Variants in ASPH observed in about 807,000 individuals in gnomAD.
ASPH encodes aspartate beta-hydroxylase, also known as aspartyl/asparaginyl beta-hydroxylase.
In ASPH, 100 loss-of-function variants were observed where a neutral mutation model predicts 118.4. The ratio of observed to expected loss-of-function variants is 0.84; its 90% CI spans 0.72 to 1.00. The LOEUF (loss-of-function observed/expected upper bound fraction) is 1.00. ASPH is among the 50% of genes least tolerant of loss of function. The pLI is 0.00. For synonymous variants in ASPH, 315 were observed against 325.6 expected (o/e 0.97, Z 0.35); for missense variants, 920 against 919.5 (o/e 1.00, Z -0.01).
intron 10 of ASPH, among the ~76,000 whole-genome samples, chr8:61,639,681 G>A (rs72659027): frequency 0.018 from 2,738 of 152,198 alleles, 41 homozygotes; most frequent in Middle Eastern, 0.034. Flanking sequence ...TACTCTGATG[G>A]TTCCCACACT....
chr8:61,655,320 G>A (rs1425913067), intron 3 of ASPH, among the ~76,000 whole-genome samples: 1 of 152,136 alleles, frequency 6.6e-6, no homozygotes, highest in Non-Finnish European at 1.5e-5. Flanking sequence ...ATGTACCAGA[G>A]ATCCGTATTT....
chr8:61,681,256 T>C (rs1288998556), intron 2 of ASPH, among the ~76,000 whole-genome samples: 2 of 151,760 alleles, frequency 1.3e-5, no homozygotes, highest in African/African-American at 4.8e-5. Context: ...TAATAAATGC[T>C]ATGAAATAAA....
chr8:61,564,943 T>C (rs1310149558), intron 17 of ASPH, among the ~76,000 whole-genome samples: 1 of 152,232 alleles, frequency 6.6e-6, no homozygotes, highest in Non-Finnish European at 1.5e-5. Flanking sequence ...GCCTTGGCAG[T>C]GACTCATAGC....
chr8:61,690,216 T>A (rs1034940096), intron 1 of ASPH, among the ~76,000 whole-genome samples: 1 of 152,182 alleles, frequency 6.6e-6, no homozygotes, highest in Non-Finnish European at 1.5e-5. Flanking sequence ...GACCATTAGA[T>A]TGCTTGAATG....
intron 21 of ASPH, among the ~76,000 whole-genome samples, chr8:61,542,074 G>C (rs1201043569): frequency 6.6e-6 from 1 of 152,128 alleles, no homozygotes; most frequent in African/African-American, 2.4e-5. Context: ...TGATTTCAGT[G>C]CTTCTAAATT....
Position 61,517,681 on chromosome 8 carries a change from C to T in ASPH, c.1993-20G>A. On this transcript the variant is annotated intron_variant, in intron 23 of 24. Coordinates refer to ENST00000379454, the MANE Select transcript of ASPH (RefSeq NM_004318.4). ...TTTGATCTGCATAGAAAACATGACA[C>T]TCCATTCAGCCATTTATCAAGGTGT... The T allele has an allele frequency of 6.2e-7, 1 of 1,606,322 alleles. No homozygotes were observed. Among genetic ancestry groups the T allele is most frequent in the African/African-American group, 1.3e-5 (1 of 74,868 alleles).
Position 61,704,182 on chromosome 8 carries a change from G to A in ASPH, c.103+10087C>T, listed in dbSNP as rs112016455. On this transcript the variant is annotated intron_variant, in intron 1 of 24. Coordinates refer to ENST00000379454, the MANE Select transcript of ASPH (RefSeq NM_004318.4). Reference sequence around the variant, plus strand: ...TGCACTCCAGCCTGGGCGACAGAGCGAGACTCCGTCTCAAAAAAAAAAAAA... The same window carrying A: ...TGCACTCCAGCCTGGGCGACAGAGCAAGACTCCGTCTCAAAAAAAAAAAAA... Among the ~76,000 whole-genome samples the A allele has an allele frequency of 1.2e-4, 13 of 105,668 alleles. No individual in the cohort carries two copies. In the East Asian group the frequency reaches 1.5e-3, roughly 12 times the overall value. The allele number at this position is 105,668 out of a possible 152,430, so 69.3% of individuals were successfully genotyped here.
intron 15 of ASPH, among the ~76,000 whole-genome samples, chr8:61,577,468 A>G (rs1313202463): frequency 6.6e-6 from 1 of 151,552 alleles, no homozygotes; most frequent in African/African-American, 2.4e-5. Flanking sequence ...TTTGCTAAAG[A>G]AATTGAATTT....
chr8:61,655,075 A>G (rs558205584), intron 3 of ASPH, among the ~76,000 whole-genome samples: 1 of 152,314 alleles, frequency 6.6e-6, no homozygotes, highest in Admixed American at 6.5e-5. Flanking sequence ...AAAAAGCTTA[A>G]GAATCTCAAG....
At chr8:61,574,553 G>A (rs1301036326) in intron 16 of ASPH, among the ~76,000 whole-genome samples, 3 of 152,156 alleles carry the variant, frequency 2.0e-5, no homozygotes, top group Admixed American at 6.5e-5. Flanking sequence ...TTACAGGGAC[G>A]TGGATGAAGC....
At chr8:61,655,567 C>G (rs1334438260) in intron 3 of ASPH, among the ~76,000 whole-genome samples, 1 of 152,176 alleles carries the variant, frequency 6.6e-6, no homozygotes, top group Non-Finnish European at 1.5e-5. Context: ...CTGAAAACCC[C>G]ATTCTTAATG....
At chr8:61,535,902 T>C (rs540801869) in intron 21 of ASPH, among the ~76,000 whole-genome samples, 2 of 152,300 alleles carry the variant, frequency 1.3e-5, no homozygotes, top group African/African-American at 2.4e-5. Context: ...CAGCAAATTC[T>C]CTTTGCAATA....
intron 3 of ASPH, among the ~76,000 whole-genome samples, chr8:61,670,305 GT>G (rs1554554248): frequency 8.1e-5 from 12 of 147,328 alleles, no homozygotes; most frequent in Admixed American, 1.4e-4. Flanking sequence ...GTGTTTGTTT[GT>G]TTTTTTTTTA....
intron 1 of ASPH, among the ~76,000 whole-genome samples, chr8:61,686,523 A>G (rs1263377078): frequency 6.6e-6 from 1 of 152,194 alleles, no homozygotes. Context: ...TGTCTAATTC[A>G]CTACATTTTT....
At chr8:61,540,392 G>A (rs1359639804) in intron 21 of ASPH, among the ~76,000 whole-genome samples, 2 of 152,066 alleles carry the variant, frequency 1.3e-5, no homozygotes, top group Non-Finnish European at 2.9e-5. Context: ...TTACATGTAT[G>A]TAACACCTCA....
intron 14 of ASPH, among the ~76,000 whole-genome samples, chr8:61,603,716 G>C (rs1393606012): frequency 6.6e-6 from 1 of 152,154 alleles, no homozygotes; most frequent in Non-Finnish European, 1.5e-5. Flanking sequence ...CTATCCCCAA[G>C]TACTTCACAC....
In ASPH at chr8:61,654,138, CTATT is replaced by C. The variant is rs1387687090; in HGVS notation, c.323-482_323-479del. Among the ~76,000 whole-genome samples, 6 of 152,228 alleles carry C rather than the reference CTATT, an allele frequency of 3.9e-5. 1 individual carries two copies. The highest frequency in any genetic ancestry group is 2.4e-5 in the African/African-American group (1 of 41,536). On this transcript the variant is annotated intron_variant, in intron 3 of 24. Coordinates refer to ENST00000379454, the MANE Select transcript of ASPH (RefSeq NM_004318.4). The stretch of plus-strand genomic sequence containing the variant: ...AAAAAGAAAAAGAAATCATACATAA[CTATT>C]TATTATCATCTAAAGGAAACCCCTA...
rs1322097521 is a variant in ASPH at position 61,501,568 on chromosome 8, T to A, written c.*1791A>T. On this transcript the variant is annotated 3_prime_UTR_variant, in exon 25 of 25. Coordinates refer to ENST00000379454, the MANE Select transcript of ASPH (RefSeq NM_004318.4). ...TGACATGAATGTTACTACATGAACATTGAATTGTATTGCCCTTGTCAGTTA... is the reference window on the plus strand; with the variant it reads ...TGACATGAATGTTACTACATGAACAATGAATTGTATTGCCCTTGTCAGTTA... 1 of 152,188 alleles carries A rather than the reference T, an allele frequency of 6.6e-6. No individual in the cohort carries two copies. Among genetic ancestry groups the A allele is most frequent in the East Asian group, 1.9e-4 (1 of 5,198 alleles). The allele number at this position is 152,188 out of a possible 1,614,324, so 9.4% of individuals were successfully genotyped here.
intron 10 of ASPH, among the ~76,000 whole-genome samples, chr8:61,639,144 A>C (rs1379054141): frequency 6.6e-6 from 1 of 152,180 alleles, no homozygotes; most frequent in Non-Finnish European, 1.5e-5. Flanking sequence ...GGAGCAGTGA[A>C]TGTGTGCTCA....
Sources: allele counts gnomAD v4.1 joint callset (sites outside exome capture counted in the v4.1 genomes callset), GRCh38; gene constraint gnomAD v4.1.1; transcripts MANE v1.5; gene names NCBI Gene and HGNC (gene_info 2026-07-23, HGNC 2026-07-21).